The following LUZP2 variants were observed in gnomAD, a reference collection of about 807,000 sequenced individuals.
LUZP2 encodes the protein leucine zipper protein 2.
LUZP2 carries 52 observed loss-of-function variants against 51.6 expected under a neutral mutation model. The observed-to-expected ratio is 1.01, with a 90% CI of 0.81 to 1.27. The LOEUF (loss-of-function observed/expected upper bound fraction) is 1.27. Among genes scored for constraint, LUZP2 ranks in the 50% most tolerant of loss-of-function variants. LUZP2 has a pLI of 0.00. For synonymous variants in LUZP2, 154 were observed against 137.3 expected (o/e 1.12, Z -0.85); for missense variants, 436 against 395.4 (o/e 1.10, Z -0.87).
intron 1 of LUZP2, among the ~76,000 whole-genome samples, chr11:24,602,116 A>ATGTATATGTGTATATG (rs1565020357): frequency 1.4e-5 from 1 of 72,736 alleles, no homozygotes; most frequent in Non-Finnish European, 2.9e-5. Flanking sequence ...ATGTGTATAT[A>ATGTATATGTGTATATG]TGTATATATG....
At chr11:24,752,466 G>A (rs1407334102) in intron 4 of LUZP2, among the ~76,000 whole-genome samples, 1 of 152,110 alleles carries the variant, frequency 6.6e-6, no homozygotes, top group East Asian at 1.9e-4. Flanking sequence ...CTCAAAAACA[G>A]AATAAACAGC....
chr11:24,688,932 C>T (rs766213789), intron 1 of LUZP2, among the ~76,000 whole-genome samples: 3 of 152,122 alleles, frequency 2.0e-5, no homozygotes, highest in Non-Finnish European at 2.9e-5. Context: ...GCCCTCCCTC[C>T]CTGTATTGTC....
At chr11:25,021,155 A>T (rs1857321101) in intron 9 of LUZP2, among the ~76,000 whole-genome samples, 1 of 152,102 alleles carries the variant, frequency 6.6e-6, no homozygotes, top group Non-Finnish European at 1.5e-5. Context: ...AAATATAACT[A>T]AACCAATAAA....
At chr11:24,804,608 C>T (rs1054776230) in intron 5 of LUZP2, among the ~76,000 whole-genome samples, 1 of 152,260 alleles carries the variant, frequency 6.6e-6, no homozygotes, top group African/African-American at 2.4e-5. Context: ...ATCTTAGCAT[C>T]TCTCTATCTT....
intron 7 of LUZP2, among the ~76,000 whole-genome samples, chr11:24,922,326 A>G (rs1854087135): frequency 6.6e-6 from 1 of 152,124 alleles, no homozygotes; most frequent in African/African-American, 2.4e-5. Flanking sequence ...TCTGCTCTTG[A>G]AGAGAGGGCA....
intron 9 of LUZP2, among the ~76,000 whole-genome samples, chr11:25,027,886 G>A (rs2404014): frequency 0.08 from 10,614 of 133,192 alleles, 959 homozygotes; most frequent in African/African-American, 0.27. Flanking sequence ...AAAAAAAAAG[G>A]TGTTTAGATT....
At chr11:24,574,747 G>T (rs1257841757) in intron 1 of LUZP2, among the ~76,000 whole-genome samples, 3 of 152,056 alleles carry the variant, frequency 2.0e-5, no homozygotes, top group Admixed American at 2.0e-4. Flanking sequence ...CACAGAGACT[G>T]GGAGTTGGGG....
intron 7 of LUZP2, among the ~76,000 whole-genome samples, chr11:24,930,952 G>A (rs956743599): frequency 2.0e-5 from 3 of 152,058 alleles, no homozygotes; most frequent in Non-Finnish European, 2.9e-5. Context: ...AGTGGCTCAC[G>A]CCTGTAATCC....
chr11:25,030,927 TATAATATATA>T (rs1565254512), intron 9 of LUZP2, among the ~76,000 whole-genome samples: 1,326 of 8,372 alleles, frequency 0.16, 170 homozygotes, highest in Middle Eastern at 0.33. Flanking sequence ...ATTATATATA[TATAATATATA>T]TTATATATAT....
intron 1 of LUZP2, among the ~76,000 whole-genome samples, chr11:24,672,530 G>T (rs138178853): frequency 6.6e-6 from 1 of 151,860 alleles, no homozygotes; most frequent in South Asian, 2.1e-4. Context: ...AAGATGAAGC[G>T]CATTCTCCAA....
chr11:24,941,293 T>C (rs1854738463), intron 7 of LUZP2, among the ~76,000 whole-genome samples: 1 of 152,218 alleles, frequency 6.6e-6, no homozygotes, highest in Non-Finnish European at 1.5e-5. Context: ...TAGAGTTTTG[T>C]TGAAAGTTTT....
At chr11:25,042,099 GA>G (rs1314777703) in intron 9 of LUZP2, among the ~76,000 whole-genome samples, 3 of 151,938 alleles carry the variant, frequency 2.0e-5, no homozygotes, top group Non-Finnish European at 2.9e-5. Flanking sequence ...GCACTGCAAG[GA>G]AAAAACTTCA....
chr11:24,514,563 A>T (rs1486004617), intron 1 of LUZP2, among the ~76,000 whole-genome samples: 2 of 152,172 alleles, frequency 1.3e-5, no homozygotes, highest in East Asian at 3.9e-4. Context: ...TATAAATTTC[A>T]CTTTGTGGGG....
intron 1 of LUZP2, among the ~76,000 whole-genome samples, chr11:24,648,053 A>G (rs969637027): frequency 4.6e-5 from 7 of 151,942 alleles, no homozygotes; most frequent in African/African-American, 1.7e-4. Context: ...TTCCTCTAGC[A>G]TGACTTTAAT....
At chr11:24,593,955 C>T (rs149194905) in intron 1 of LUZP2, among the ~76,000 whole-genome samples, 187 of 152,214 alleles carry the variant, frequency 1.2e-3, no homozygotes, top group Non-Finnish European at 1.2e-3. Flanking sequence ...CTTAATCTTC[C>T]GGAGGGCAGG....
At chr11:25,025,147 G>A (rs886487344) in intron 9 of LUZP2, among the ~76,000 whole-genome samples, 3 of 151,828 alleles carry the variant, frequency 2.0e-5, no homozygotes, top group Non-Finnish European at 1.5e-5. Flanking sequence ...AAATTAATTC[G>A]AGATGGATTA....
chr11:24,856,963 G>A (rs187018094), intron 5 of LUZP2, among the ~76,000 whole-genome samples: 5 of 151,924 alleles, frequency 3.3e-5, no homozygotes, highest in Non-Finnish European at 7.4e-5. Context: ...AGGGGTTGAG[G>A]GATGAGAAAT....
chr11:24,513,901 A>T (rs1384544847), intron 1 of LUZP2, among the ~76,000 whole-genome samples: 1 of 152,230 alleles, frequency 6.6e-6, no homozygotes, highest in Non-Finnish European at 1.5e-5. Flanking sequence ...AGAGTTGCCA[A>T]ACAGAATGCT....
intron 5 of LUZP2, among the ~76,000 whole-genome samples, chr11:24,870,898 A>G (rs1590666241): frequency 2.0e-5 from 3 of 152,228 alleles, no homozygotes; most frequent in East Asian, 1.9e-4. Flanking sequence ...AAATGAGGAT[A>G]TAAAATGTCC....
Sources: gnomAD v4.1 joint callset for allele counts (sites outside exome capture counted in the v4.1 genomes callset) on GRCh38, gnomAD v4.1.1 for gene constraint, MANE v1.5 for transcripts, NCBI Gene and HGNC (gene_info 2026-07-23, HGNC 2026-07-21) for gene names.